DIS3L2: variants seen among roughly 807,000 people sequenced by gnomAD.
DIS3L2 encodes the protein DIS3 like 3'-5' exoribonuclease 2.
A neutral mutation model predicts 97.5 loss-of-function variants in DIS3L2; 34 were observed. That is an observed-to-expected ratio of 0.35 (90% CI 0.27 to 0.46). The LOEUF is 0.46. DIS3L2 is among the 20% of genes least tolerant of loss of function. The pLI is 1.00. For missense variants in DIS3L2, 1,038 were observed against 1,146.0 expected, an observed-to-expected ratio of 0.91 and a Z score of 1.36; for synonymous variants, 435 against 445.2, an observed-to-expected ratio of 0.98 and a Z score of 0.29.
chr2:231,993,228 T>A (rs962773043), intron 1 of DIS3L2, among the ~76,000 whole-genome samples: 2 of 152,248 alleles, frequency 1.3e-5, no homozygotes, highest in African/African-American at 4.8e-5. Flanking sequence ...CTAGAAAATA[T>A]GAAGTTATCT....
At chr2:232,260,675 T>G (rs917275028) in intron 12 of DIS3L2, 1 of 152,256 alleles carries the variant, frequency 6.6e-6, no homozygotes, top group Non-Finnish European at 1.5e-5. Flanking sequence ...GACTTTGCTC[T>G]GGATAAAAAT....
chr2:232,203,997 C>T (rs945927206), intron 9 of DIS3L2, among the ~76,000 whole-genome samples: 1 of 151,946 alleles, frequency 6.6e-6, no homozygotes, highest in African/African-American at 2.4e-5. Context: ...CAGGTTGGGG[C>T]TGGGTCATGA....
At position 232,181,948 on chromosome 2, in the gene DIS3L2, G is replaced by A. The variant is rs562905986; in HGVS notation, c.1124+18316G>A. Reference sequence around the variant, plus strand: ...ATTACAGGCGTGAGCCACCGTGCCCGGGCGCCTGGCTAATTTTTGTATTTA... The same window carrying A: ...ATTACAGGCGTGAGCCACCGTGCCCAGGCGCCTGGCTAATTTTTGTATTTA... On this transcript the variant is annotated intron_variant, in intron 9 of 20. Coordinates refer to ENST00000325385, the MANE Select transcript of DIS3L2 (RefSeq NM_152383.5). Among the ~76,000 whole-genome samples the A allele has an allele frequency of 2.1e-3, 325 of 152,084 alleles. 2 individuals carry two copies. Among genetic ancestry groups the A allele is most frequent in the African/African-American group, 7.3e-3 (305 of 41,512 alleles).
intron 8 of DIS3L2, among the ~76,000 whole-genome samples, chr2:232,144,714 A>G (rs2106362208): frequency 6.6e-6 from 1 of 152,288 alleles, no homozygotes; most frequent in Middle Eastern, 3.4e-3. Flanking sequence ...TGGGTCCAGA[A>G]TCCCGTAATA....
chr2:232,218,724 T>C (rs2106229025), intron 10 of DIS3L2, among the ~76,000 whole-genome samples: 1 of 152,376 alleles, frequency 6.6e-6, no homozygotes, highest in South Asian at 2.1e-4. Context: ...CTCTCCAGAC[T>C]GTTGTCATGG....
Position 232,269,642 on chromosome 2 carries a change from C to T in DIS3L2, c.1659+6202C>T, listed in dbSNP as rs1260125532. Reference sequence around the variant, plus strand: ...CCAGCAGAAGTAGTGGGGCATTAGGCCTTCTAAAAGACTTGAGGGTCTAGC... The same window carrying T: ...CCAGCAGAAGTAGTGGGGCATTAGGTCTTCTAAAAGACTTGAGGGTCTAGC... On this transcript the variant is annotated intron_variant, in intron 13 of 20. Transcript: ENST00000325385. The surrounding 1 kb of genome is among the most constrained non-coding windows in gnomAD (Gnocchi z 4.5). Among the ~76,000 whole-genome samples the T allele has an allele frequency of 6.6e-6, 1 of 152,032 alleles. No homozygotes were observed. Among genetic ancestry groups the T allele is most frequent in the Non-Finnish European group, 1.5e-5 (1 of 68,020 alleles).
In DIS3L2 at chr2:232,046,460, T is replaced by G. The variant is rs576950101; in HGVS notation, c.366+16380T>G. On this transcript the variant is annotated intron_variant, in intron 5 of 20. Coordinates refer to ENST00000325385, the MANE Select transcript of DIS3L2 (RefSeq NM_152383.5). ...ATCGATGTGGATGAGTAGGTCTTCT[T>G]TGCTCTTAAGATAAAGATTAGTTTG... Among the ~76,000 whole-genome samples, 222 of 152,326 alleles carry G rather than the reference T, an allele frequency of 1.5e-3. 3 individuals are homozygous for G. Among genetic ancestry groups the G allele is most frequent in the African/African-American group, 5.2e-3 (215 of 41,570 alleles).
chr2:232,175,581 CTTTTA>C (rs1346531559), intron 9 of DIS3L2, among the ~76,000 whole-genome samples: 1 of 151,582 alleles, frequency 6.6e-6, no homozygotes, highest in Non-Finnish European at 1.5e-5. Context: ...TTTCTTCTAG[CTTTTA>C]TTTTAGGTTC....
At chr2:232,322,548 C>T (rs1308706718) in intron 14 of DIS3L2, among the ~76,000 whole-genome samples, 1 of 152,346 alleles carries the variant, frequency 6.6e-6, no homozygotes, top group African/African-American at 2.4e-5. Flanking sequence ...ACGCTTGTTT[C>T]CCTGCAGACT....
At chr2:231,979,809 C>G (rs1219177620) in intron 1 of DIS3L2, among the ~76,000 whole-genome samples, 2 of 152,098 alleles carry the variant, frequency 1.3e-5, no homozygotes, top group Non-Finnish European at 2.9e-5. Flanking sequence ...ATCTCCTGAC[C>G]TTGTGATCCA....
At chr2:232,061,909 C>A (rs1274987756) in intron 5 of DIS3L2, among the ~76,000 whole-genome samples, 1 of 152,166 alleles carries the variant, frequency 6.6e-6, no homozygotes, top group Non-Finnish European at 1.5e-5. Flanking sequence ...GATGCTGTAC[C>A]ACACTTGGGC....
intron 9 of DIS3L2, among the ~76,000 whole-genome samples, chr2:232,199,475 G>A (rs529262275): frequency 4.9e-4 from 74 of 152,200 alleles, no homozygotes; most frequent in African/African-American, 1.5e-3. Flanking sequence ...TCAAGATGTG[G>A]GTTTATCTGT....
chr2:232,111,256 G>A (rs1205891285), intron 6 of DIS3L2: 4 of 471,258 alleles, frequency 8.5e-6, no homozygotes, highest in Admixed American at 4.7e-5. Context: ...CAGGAAGTCA[G>A]TGAGTTCATT....
At chr2:232,297,691 C>A (rs917130368) in intron 13 of DIS3L2, among the ~76,000 whole-genome samples, 5 of 142,638 alleles carry the variant, frequency 3.5e-5, no homozygotes, top group Non-Finnish European at 6.0e-5. Context: ...TAGGTATGTT[C>A]CTTCCAAGTC....
intron 13 of DIS3L2, among the ~76,000 whole-genome samples, chr2:232,282,194 C>T (rs1694310377): frequency 6.8e-6 from 1 of 146,414 alleles, no homozygotes; most frequent in African/African-American, 2.5e-5. Context: ...CCTTTTGAAA[C>T]CCAACATGTC....
chr2:232,045,676 T>TTC (rs1291200018), intron 5 of DIS3L2, among the ~76,000 whole-genome samples: 2 of 144,184 alleles, frequency 1.4e-5, no homozygotes, highest in Non-Finnish European at 3.1e-5. Flanking sequence ...CTCACTTTTT[T>TTC]TTTTTTTTTT....
At chr2:232,252,726 C>A (rs1023236114) in intron 12 of DIS3L2, among the ~76,000 whole-genome samples, 2 of 152,158 alleles carry the variant, frequency 1.3e-5, no homozygotes, top group South Asian at 2.1e-4. Context: ...CATATTGAAA[C>A]CCTGTCTCTA....
intron 1 of DIS3L2, among the ~76,000 whole-genome samples, chr2:231,995,155 G>A (rs73098538): frequency 0.013 from 2,009 of 152,138 alleles, 50 homozygotes; most frequent in African/African-American, 0.046. Flanking sequence ...AAGTTATTCT[G>A]TACTACATTT....
At chr2:231,985,546 A>G (rs7585924) in intron 1 of DIS3L2, among the ~76,000 whole-genome samples, 1 of 152,242 alleles carries the variant, frequency 6.6e-6, no homozygotes, top group Non-Finnish European at 1.5e-5. Context: ...GTTCATGTGC[A>G]GCTTTCATTT....
Sources: allele counts gnomAD v4.1 joint callset (sites outside exome capture counted in the v4.1 genomes callset), GRCh38; gene constraint gnomAD v4.1.1; non-coding constraint Gnocchi (gnomAD v3.1); transcripts MANE v1.5; gene names NCBI Gene and HGNC (gene_info 2026-07-23, HGNC 2026-07-21).